The following ANKRD36 variants were observed in gnomAD, a reference collection of about 807,000 sequenced individuals.
The protein encoded by ANKRD36 is ankyrin repeat domain-containing protein 36A.
A neutral mutation model predicts 278.1 loss-of-function variants in ANKRD36; 179 were observed. The ratio of observed to expected loss-of-function variants is 0.64; its 90% CI spans 0.57 to 0.73. The LOEUF (loss-of-function observed/expected upper bound fraction) is 0.73. Ranked by LOEUF, ANKRD36 falls within the 30% of genes least tolerant of loss-of-function variation. The pLI, the probability that ANKRD36 is intolerant of heterozygous loss-of-function variation, is 0.00. For synonymous variants in ANKRD36, 320 were observed against 641.1 expected (o/e 0.50, Z 7.57); for missense variants, 1,159 against 1,956.7 (o/e 0.59, Z 7.69).
intron 17 of ANKRD36, among the ~76,000 whole-genome samples, chr2:97,159,380 AG>A (rs1472679802): frequency 2.6e-5 from 4 of 152,102 alleles, no homozygotes; most frequent in Non-Finnish European, 2.9e-5. Context: ...TAGATTATAT[AG>A]ATGGATCAAA....
At chr2:97,160,004 C>G (rs1445878615) in intron 17 of ANKRD36, among the ~76,000 whole-genome samples, 2 of 152,258 alleles carry the variant, frequency 1.3e-5, no homozygotes, top group Non-Finnish European at 2.9e-5. Flanking sequence ...AGGATGGTCT[C>G]GATCTCCTGA....
rs1202177829 is a variant in ANKRD36, at chr2:97,167,614, A to T, written c.1560+9A>T. The T allele has an allele frequency of 6.5e-7, 1 of 1,536,452 alleles. No homozygotes were observed. The highest frequency in any genetic ancestry group is 2.4e-5 in the East Asian group (1 of 40,906). ...GACCTCCTTTATCCACGGTAAACAA[A>T]TATATTTTCATTTTTAATTAACAAA... On this transcript the variant is annotated intron_variant, in intron 21 of 75. Coordinates refer to ENST00000420699, the MANE Select transcript of ANKRD36 (RefSeq NM_001354587.1).
chr2:97,131,906 G>A (rs1338715329), intron 6 of ANKRD36, among the ~76,000 whole-genome samples: 1 of 150,542 alleles, frequency 6.6e-6, no homozygotes, highest in Non-Finnish European at 1.5e-5. Context: ...TCGGCTCACT[G>A]CAAACTCTGC....
intron 26 of ANKRD36, among the ~76,000 whole-genome samples, chr2:97,182,099 A>G (rs925470776): frequency 2.0e-5 from 3 of 151,420 alleles, no homozygotes; most frequent in African/African-American, 7.3e-5. Context: ...GGGAGGAAGG[A>G]GAAAGAGATG....
chr2:97,136,052 A>G (rs1048983850), intron 6 of ANKRD36, among the ~76,000 whole-genome samples: 4 of 151,596 alleles, frequency 2.6e-5, no homozygotes, highest in Non-Finnish European at 2.9e-5. Context: ...GGGGCTCATC[A>G]TCATAGTGAT....
Position 97,189,065 on chromosome 2 carries a change from A to G in ANKRD36, c.2144-22A>G, listed in dbSNP as rs567076318. 210 of 746,962 alleles carry G rather than the reference A, an allele frequency of 2.8e-4. 44 individuals carry two copies. The highest frequency in any genetic ancestry group is 2.6e-3 in the South Asian group (203 of 78,906). The allele number at this position is 746,962 out of a possible 1,614,324, so 46.3% of individuals were successfully genotyped here. A position where few individuals can be genotyped will look rare whatever the true frequency, so the allele number is the denominator to read the frequency against. ...TTATCATATTTACATATGAGTGATT[A>G]TGTATCCCTTTTGCTTTTCAGTGTC... On this transcript the variant is annotated intron_variant, in intron 32 of 75. Coordinates refer to ENST00000420699, the MANE Select transcript of ANKRD36 (RefSeq NM_001354587.1).
intron 15 of ANKRD36, among the ~76,000 whole-genome samples, chr2:97,157,361 T>C (rs1280095864): frequency 1.3e-5 from 2 of 151,310 alleles, no homozygotes; most frequent in Non-Finnish European, 2.9e-5. Flanking sequence ...TCATGTCTCT[T>C]TTTTTGTTTG....
intron 17 of ANKRD36, 64 bp downstream of exon 17, chr2:97,158,719 CACTCTT>C: frequency 2.1e-6 from 3 of 1,397,386 alleles, no homozygotes; most frequent in Non-Finnish European, 2.9e-6. Flanking sequence ...TTCACCAACT[CACTCTT>C]ATCTGTTAAT....
intron 58 of ANKRD36, among the ~76,000 whole-genome samples, chr2:97,212,405 G>A (rs1291605871): frequency 1.3e-5 from 2 of 151,838 alleles, no homozygotes; most frequent in African/African-American, 4.8e-5. Flanking sequence ...CTCTTTAGGA[G>A]TAATTTACTA....
chr2:97,146,027 T>C (rs1268665062), intron 10 of ANKRD36, among the ~76,000 whole-genome samples: 5 of 152,104 alleles, frequency 3.3e-5, no homozygotes, highest in Non-Finnish European at 5.9e-5. Flanking sequence ...ATGAAAGATA[T>C]GCGTGAACCT....
intron 6 of ANKRD36, among the ~76,000 whole-genome samples, chr2:97,137,510 C>T (rs1162168410): frequency 6.6e-6 from 1 of 151,772 alleles, no homozygotes; most frequent in Admixed American, 6.6e-5. Flanking sequence ...TCTCAAACTC[C>T]TGGGCTTCTC....
intron 67 of ANKRD36, among the ~76,000 whole-genome samples, chr2:97,232,004 G>C (rs1334122031): frequency 6.6e-6 from 1 of 151,842 alleles, no homozygotes. Flanking sequence ...TTCAAGTTTA[G>C]TCCAAACAAA....
Position 97,200,324 on chromosome 2 carries a change from TG to T in ANKRD36, c.2756-9del. 2 of 1,607,414 alleles carry T rather than the reference TG, an allele frequency of 1.2e-6. No individual in the cohort carries two copies. The highest frequency in any genetic ancestry group is 1.3e-5 in the African/African-American group (1 of 74,804). On this transcript the variant is annotated splice_polypyrimidine_tract_variant and intron_variant, in intron 44 of 75. Transcript: ENST00000420699. ...CATGTGAGTGATTATGTATCCCTTT[TG>T]CTTTTCAGTGTCTTCTCGGAAAAAA...
intron 62 of ANKRD36, chr2:97,215,812 G>A: frequency 3.2e-6 from 2 of 628,378 alleles, no homozygotes; most frequent in Non-Finnish European, 2.8e-6. Context: ...AGAGGGGAAG[G>A]AGAAAGAGAT....
At chr2:97,144,853 G>C in intron 10 of ANKRD36, 141 bp downstream of exon 10, 1 of 1,229,688 alleles carries the variant, frequency 8.1e-7, no homozygotes. Flanking sequence ...ATAAGTTCTG[G>C]AGTGATGGTG....
At chr2:97,179,403 G>A (rs2055439323) in intron 22 of ANKRD36, among the ~76,000 whole-genome samples, 1 of 151,606 alleles carries the variant, frequency 6.6e-6, no homozygotes. Context: ...ATTCCCAGGA[G>A]TATGAGTTGG....
chr2:97,118,460 T>C lies in ANKRD36; in HGVS notation c.429T>C (p.Asp143=), dbSNP rs756884453. ...TALHYAVYNE[D]TSMIEKLLSH... ...TGCACTACGCTGTGTATAATGAAGA[T>C]ACATCCATGATAGAAAAACTTCTTT... Residue 143 remains aspartate (D), a synonymous_variant, in exon 3 of 76, where the codon GAT becomes GAC. Transcript: ENST00000420699. 1.2e-5 allele frequency: 19 copies of C among 1,605,804 alleles called. No individual in the cohort carries two copies. In the African/African-American group the frequency reaches 1.9e-4, roughly 16 times the overall value.
chr2:97,212,618 TG>T (rs1323065202), intron 58 of ANKRD36: 2 of 153,442 alleles, frequency 1.3e-5, no homozygotes, highest in African/African-American at 4.8e-5. Flanking sequence ...ACTCCTAAAG[TG>T]GTCCTTTCAA....
At chr2:97,225,756 C>T (rs1453294953) in intron 67 of ANKRD36, among the ~76,000 whole-genome samples, 43 of 151,360 alleles carry the variant, frequency 2.8e-4, no homozygotes, top group Middle Eastern at 3.4e-3. Context: ...GGTATATCTC[C>T]TAATGCTATC....
Sources: allele counts gnomAD v4.1 joint callset (sites outside exome capture counted in the v4.1 genomes callset), GRCh38; gene constraint gnomAD v4.1.1; transcripts MANE v1.5; gene names NCBI Gene and HGNC (gene_info 2026-07-23, HGNC 2026-07-21).